The following THSD7B variants were observed in gnomAD, a reference collection of about 807,000 sequenced individuals.
THSD7B encodes the protein thrombospondin type-1 domain-containing protein 7B.
A neutral mutation model predicts 213.6 loss-of-function variants in THSD7B; 138 were observed. The observed-to-expected ratio is 0.65, with a 90% confidence interval of 0.56 to 0.74. The LOEUF (loss-of-function observed/expected upper bound fraction) is 0.74, where lower values mean the gene tolerates loss of function less well. Ranked by LOEUF, THSD7B falls within the 30% of genes least tolerant of loss-of-function variation. THSD7B has a pLI of 0.00. For missense variants in THSD7B, 1,931 were observed against 1,991.5 expected (o/e 0.97, Z 0.58); for synonymous variants, 742 against 687.0 (o/e 1.08, Z -1.25).
At position 137,520,380 on chromosome 2, in the gene THSD7B, T is replaced by G. The variant is rs577792913; in HGVS notation, c.3139-42841T>G. 2.2e-3 allele frequency among the ~76,000 whole-genome samples: 328 copies of G among 152,328 alleles called. 1 individual carries two copies. Among genetic ancestry groups the G allele is most frequent in the African/African-American group, 7.1e-3 (297 of 41,578 alleles). On this transcript the variant is annotated intron_variant, in intron 15 of 27. Coordinates refer to ENST00000409968, the MANE Select transcript of THSD7B (RefSeq NM_001316349.2). The stretch of plus-strand genomic sequence containing the variant: ...TGAATGCTAACCATATGCCAGAAAC[T>G]AGGATAAGCACTCTGTATATATAAT...
rs778346035 is a variant in THSD7B at position 137,450,984 on chromosome 2, TGGAGGACGACCATGTCCCAAACTG to T, written c.3101_3124del (p.Gly1034_Leu1041del). 2 of 1,609,320 alleles carry T rather than the reference TGGAGGACGACCATGTCCCAAACTG, an allele frequency of 1.2e-6. No homozygotes were observed. The highest frequency in any genetic ancestry group is 3.4e-5 in the Admixed American group (2 of 59,206). ...AATGGCTAAAAGAAAAACCTTACAA[TGGAGGACGACCATGTCCCAAACTG>T]GATCTCAAGAATCAGGTAAAGTGCA... On this transcript the variant is annotated inframe_deletion, in exon 15 of 28. Coordinates refer to ENST00000409968, the MANE Select transcript of THSD7B (RefSeq NM_001316349.2).
chr2:137,120,523 G>T (rs886385431), intron 5 of THSD7B, among the ~76,000 whole-genome samples: 2 of 151,890 alleles, frequency 1.3e-5, no homozygotes, highest in Admixed American at 6.6e-5. Flanking sequence ...GAGAGGGGAT[G>T]GGGAAGGGGA....
rs187034091 is a variant in THSD7B, at chr2:137,622,884, G to A, written c.3799+2158G>A. 2.5e-4 allele frequency among the ~76,000 whole-genome samples: 38 copies of A among 152,158 alleles called. No individual in the cohort carries two copies. In the East Asian group the frequency reaches 6.0e-3, roughly 24 times the overall value. ...TCCAGGACCAGATGGATTCACAGCCGATTCTACCAGAGATACAAAGAGGAG... is the reference window on the plus strand; with the variant it reads ...TCCAGGACCAGATGGATTCACAGCCAATTCTACCAGAGATACAAAGAGGAG... On this transcript the variant is annotated intron_variant, in intron 20 of 27. Transcript: ENST00000409968.
chr2:137,532,828 A>C (rs779992480), intron 15 of THSD7B, among the ~76,000 whole-genome samples: 19 of 151,706 alleles, frequency 1.3e-4, no homozygotes, highest in Non-Finnish European at 1.9e-4. Context: ...GTGACCATAT[A>C]GGTAAAAGTC....
intron 1 of THSD7B, among the ~76,000 whole-genome samples, chr2:136,880,962 A>G (rs1392678805): frequency 6.6e-6 from 1 of 152,056 alleles, no homozygotes; most frequent in Non-Finnish European, 1.5e-5. Flanking sequence ...TTGGCTCCCA[A>G]CCTATGTTTT....
chr2:137,603,252 A>G (rs952092035), intron 17 of THSD7B, among the ~76,000 whole-genome samples: 2 of 152,206 alleles, frequency 1.3e-5, no homozygotes, highest in African/African-American at 2.4e-5. Flanking sequence ...CATTGCCTTC[A>G]CATCATTGTG....
At chr2:137,626,287 C>T (rs1436662625) in intron 20 of THSD7B, among the ~76,000 whole-genome samples, 1 of 152,012 alleles carries the variant, frequency 6.6e-6, no homozygotes, top group East Asian at 1.9e-4. Flanking sequence ...ACGGTGAAAC[C>T]CCGTCTCTAC....
chr2:137,315,352 C>T lies in THSD7B; in HGVS notation c.2500+39326C>T, dbSNP rs192494292. ...GAGCTTCCCAAGTGAGGCAATGCCT[C>T]GCCCTGCTTCGGCTCATGCACAGTG... On this transcript the variant is annotated intron_variant, in intron 12 of 27. Transcript: ENST00000409968. Among the ~76,000 whole-genome samples the T allele has an allele frequency of 3.5e-3, 530 of 152,286 alleles. 5 individuals are homozygous for T. The highest frequency in any genetic ancestry group is 0.012 in the African/African-American group (503 of 41,564).
chr2:137,189,275 C>T (rs1213485434), intron 7 of THSD7B, among the ~76,000 whole-genome samples: 10 of 152,112 alleles, frequency 6.6e-5, no homozygotes, highest in African/African-American at 2.4e-4. Context: ...CTGGTTTCTC[C>T]CTATCAAAGG....
intron 2 of THSD7B, among the ~76,000 whole-genome samples, chr2:136,932,334 CT>C (rs1311025805): frequency 6.6e-6 from 1 of 152,108 alleles, no homozygotes; most frequent in Non-Finnish European, 1.5e-5. Flanking sequence ...AAATTAATCC[CT>C]GAGTTGAAAT....
intron 12 of THSD7B, among the ~76,000 whole-genome samples, chr2:137,365,462 G>A (rs979625272): frequency 1.3e-5 from 2 of 152,082 alleles, no homozygotes; most frequent in Non-Finnish European, 2.9e-5. Flanking sequence ...GCAACCTACA[G>A]AATGGGAGAA....
intron 14 of THSD7B, among the ~76,000 whole-genome samples, chr2:137,420,360 T>C (rs1686898307): frequency 6.6e-6 from 1 of 152,216 alleles, no homozygotes; most frequent in South Asian, 2.1e-4. Flanking sequence ...AATTCTCTAG[T>C]TGATTCCTAA....
At chr2:137,483,596 T>C (rs1434008922) in intron 15 of THSD7B, among the ~76,000 whole-genome samples, 3 of 152,202 alleles carry the variant, frequency 2.0e-5, no homozygotes, top group Non-Finnish European at 4.4e-5. Context: ...TTTATTTTAT[T>C]TCTTTGTAGA....
At chr2:137,544,995 T>C (rs1267286810) in intron 15 of THSD7B, among the ~76,000 whole-genome samples, 1 of 151,784 alleles carries the variant, frequency 6.6e-6, no homozygotes, top group Non-Finnish European at 1.5e-5. Flanking sequence ...TATCAGGGGC[T>C]ATGGAGGATG....
intron 19 of THSD7B, among the ~76,000 whole-genome samples, chr2:137,619,905 A>G (rs1157464549): frequency 6.6e-6 from 1 of 152,214 alleles, no homozygotes; most frequent in African/African-American, 2.4e-5. Flanking sequence ...CTACCATATA[A>G]CACATGTTGA....
At chr2:137,509,581 A>G (rs1679917323) in intron 15 of THSD7B, among the ~76,000 whole-genome samples, 2 of 152,226 alleles carry the variant, frequency 1.3e-5, no homozygotes, top group South Asian at 2.1e-4. Flanking sequence ...TTCTTTGAAC[A>G]TATTTTCCTT....
intron 15 of THSD7B, among the ~76,000 whole-genome samples, chr2:137,512,442 A>G (rs1679982664): frequency 1.6e-5 from 2 of 121,402 alleles, no homozygotes; most frequent in Admixed American, 2.2e-4. Flanking sequence ...CCCAGCCTGG[A>G]GAGCAATGGC....
intron 15 of THSD7B, among the ~76,000 whole-genome samples, chr2:137,540,091 GAC>G (rs1680583129): frequency 6.6e-6 from 1 of 151,658 alleles, no homozygotes. Context: ...CAGCAAATAT[GAC>G]TTTGCAGATA....
intron 2 of THSD7B, among the ~76,000 whole-genome samples, chr2:136,886,423 G>A (rs564838532): frequency 1.3e-5 from 2 of 152,220 alleles, no homozygotes; most frequent in South Asian, 4.1e-4. Context: ...CCATGGCAGT[G>A]GAGGTGCGGA....
Sources: allele counts gnomAD v4.1 joint callset (sites outside exome capture counted in the v4.1 genomes callset), GRCh38; gene constraint gnomAD v4.1.1; transcripts MANE v1.5; gene names NCBI Gene and HGNC (gene_info 2026-07-23, HGNC 2026-07-21).